The following SGCZ variants were observed in gnomAD, a reference collection of about 807,000 sequenced individuals.
SGCZ encodes the protein zeta-sarcoglycan.
SGCZ carries 40 observed loss-of-function variants against 41.3 expected under a neutral mutation model. That is an observed-to-expected ratio of 0.97 (90% confidence interval 0.75 to 1.26). The LOEUF (loss-of-function observed/expected upper bound fraction) is 1.26, where lower values mean the gene tolerates loss of function less well. Among genes scored for constraint, SGCZ ranks in the 50% most tolerant of loss-of-function variants. The pLI, the probability that SGCZ is intolerant of heterozygous loss-of-function variation, is 0.00. For missense variants in SGCZ, 552 were observed against 369.8 expected, an observed-to-expected ratio of 1.49 and a Z score of -4.04; for synonymous variants, 206 against 137.5, an observed-to-expected ratio of 1.50 and a Z score of -3.49.
chr8:15,112,180 G>C (rs1040949385), intron 1 of SGCZ, among the ~76,000 whole-genome samples: 2 of 152,174 alleles, frequency 1.3e-5, no homozygotes, highest in African/African-American at 4.8e-5. Context: ...TTCACCGCGA[G>C]AACATAGTTG....
intron 1 of SGCZ, among the ~76,000 whole-genome samples, chr8:14,954,315 G>T (rs1023836853): frequency 6.6e-6 from 1 of 152,116 alleles, no homozygotes; most frequent in African/African-American, 2.4e-5. Context: ...CAAAGATTTG[G>T]AATTACACAC....
At chr8:14,720,275 TCA>T (rs201332589) in intron 1 of SGCZ, among the ~76,000 whole-genome samples, 5,822 of 152,120 alleles carry the variant, frequency 0.038, 189 homozygotes, top group Non-Finnish European at 0.06. Context: ...ACTGAAAAAT[TCA>T]CAGTTTGCTT....
intron 1 of SGCZ, among the ~76,000 whole-genome samples, chr8:15,154,014 T>G (rs1257387607): frequency 1.3e-5 from 2 of 152,030 alleles, no homozygotes; most frequent in Non-Finnish European, 2.9e-5. Context: ...CGGTTCACGA[T>G]AGAGTTTGTG....
chr8:14,294,953 CA>C (rs1300169953), intron 3 of SGCZ, among the ~76,000 whole-genome samples: 1 of 152,084 alleles, frequency 6.6e-6, no homozygotes, highest in African/African-American at 2.4e-5. Context: ...CAAGGATTCT[CA>C]TACATTTATT....
In SGCZ at chr8:14,831,011, T is replaced by C. The variant is rs1352696501; in HGVS notation, c.40-276085A>G. On this transcript the variant is annotated intron_variant, in intron 1 of 7. Transcript: ENST00000382080. ...AGGAGCCAGCTATGTAAAAATCTTA[T>C]TTGACTCCTAAGTAATAATGTGAAC... is the stretch of plus-strand genomic sequence containing the variant. 3.3e-5 allele frequency among the ~76,000 whole-genome samples: 5 copies of C among 152,310 alleles called. No individual in the cohort carries two copies. The East Asian group carries it at 9.7e-4, about 29-fold the overall frequency.
chr8:14,487,028 G>GTGTTC lies in SGCZ; in HGVS notation c.234+67703_234+67704insGAACA, dbSNP rs544191752. Among the ~76,000 whole-genome samples, 80 of 152,296 alleles carry GTGTTC rather than the reference G, an allele frequency of 5.3e-4. No individual in the cohort carries two copies. The East Asian group carries it at 0.014, about 27-fold the overall frequency. On this transcript the variant is annotated intron_variant, in intron 2 of 7. Transcript: ENST00000382080. ...CCACCTAAATATCACAATCAGAACA[G>GTGTTC]TGACGTGTTCACACTAGGAGTGACT...
intron 1 of SGCZ, among the ~76,000 whole-genome samples, chr8:14,911,313 G>A (rs1799273913): frequency 6.6e-6 from 1 of 151,988 alleles, no homozygotes; most frequent in Admixed American, 6.6e-5. Context: ...GATTCTGACT[G>A]ATTTACTGAT....
At chr8:14,114,389 A>G (rs1277213167) in intron 5 of SGCZ, among the ~76,000 whole-genome samples, 1 of 151,992 alleles carries the variant, frequency 6.6e-6, no homozygotes, top group Admixed American at 6.6e-5. Flanking sequence ...ATTTTTTTCT[A>G]GTGAAACAGG....
At chr8:14,995,134 C>T (rs1356069433) in intron 1 of SGCZ, among the ~76,000 whole-genome samples, 2 of 152,344 alleles carry the variant, frequency 1.3e-5, no homozygotes, top group East Asian at 1.9e-4. Flanking sequence ...CCATCAGAGG[C>T]CTTGGGGCCA....
chr8:14,826,632 A>G (rs1478839464), intron 1 of SGCZ, among the ~76,000 whole-genome samples: 15 of 152,156 alleles, frequency 9.9e-5, no homozygotes, highest in South Asian at 2.1e-4. Context: ...CATTCTAACT[A>G]GTGTGAGATG....
chr8:14,148,964 A>C (rs1328146455), intron 5 of SGCZ, among the ~76,000 whole-genome samples: 1 of 152,154 alleles, frequency 6.6e-6, no homozygotes, highest in Non-Finnish European at 1.5e-5. Context: ...GATGCTAAAA[A>C]ATAATTCAAA....
intron 1 of SGCZ, among the ~76,000 whole-genome samples, chr8:14,558,490 G>T (rs1381799740): frequency 6.6e-6 from 1 of 151,546 alleles, no homozygotes; most frequent in Admixed American, 6.6e-5. Flanking sequence ...CAGAAGAATT[G>T]CTTGAACCCG....
chr8:15,230,291 G>C (rs1801902823), intron 1 of SGCZ, among the ~76,000 whole-genome samples: 1 of 151,840 alleles, frequency 6.6e-6, no homozygotes, highest in Non-Finnish European at 1.5e-5. Context: ...TAGAGTATTA[G>C]AGAAACTCAG....
In SGCZ at chr8:14,722,243, T is replaced by C. The variant is rs145566214; in HGVS notation, c.40-167317A>G. 1.2e-4 allele frequency among the ~76,000 whole-genome samples: 19 copies of C among 152,262 alleles called. No individual in the cohort carries two copies. In the East Asian group the frequency reaches 3.1e-3, roughly 25 times the overall value. ...TATTTATGTTTATTTAGTTAACCAA[T>C]ATTAAATCTAGCATCTATAACATAA... On this transcript the variant is annotated intron_variant, in intron 1 of 7. Transcript: ENST00000382080.
intron 1 of SGCZ, among the ~76,000 whole-genome samples, chr8:14,793,590 A>G (rs1045208722): frequency 6.6e-6 from 1 of 152,136 alleles, no homozygotes; most frequent in South Asian, 2.1e-4. Flanking sequence ...CTGAGGAATA[A>G]CCCAATGCAC....
At chr8:14,641,875 G>A (rs547381413) in intron 1 of SGCZ, among the ~76,000 whole-genome samples, 2 of 151,576 alleles carry the variant, frequency 1.3e-5, no homozygotes, top group African/African-American at 2.4e-5. Flanking sequence ...TCTTTGCAGT[G>A]GTAGGTAATG....
intron 5 of SGCZ, among the ~76,000 whole-genome samples, chr8:14,112,162 A>G (rs532506474): frequency 4.6e-5 from 7 of 151,980 alleles, no homozygotes; most frequent in African/African-American, 1.7e-4. Flanking sequence ...AAAGAAAGTC[A>G]GGCAGGAAAT....
At chr8:14,191,017 C>T (rs1250019249) in intron 4 of SGCZ, among the ~76,000 whole-genome samples, 2 of 152,160 alleles carry the variant, frequency 1.3e-5, no homozygotes, top group East Asian at 1.9e-4. Context: ...TGTAATGACT[C>T]GTCTTTTTGA....
intron 1 of SGCZ, among the ~76,000 whole-genome samples, chr8:14,748,203 GC>G (rs748088565): frequency 2.6e-5 from 4 of 151,982 alleles, no homozygotes; most frequent in Non-Finnish European, 4.4e-5. Context: ...TATATTTAGT[GC>G]CCACAACAAC....
Sources: allele counts gnomAD v4.1 joint callset (sites outside exome capture counted in the v4.1 genomes callset), GRCh38; gene constraint gnomAD v4.1.1; transcripts MANE v1.5; gene names NCBI Gene and HGNC (gene_info 2026-07-23, HGNC 2026-07-21).